Variants in BTBD9 observed in about 807,000 individuals in gnomAD.
BTBD9 encodes the protein BTB domain containing 9.
Under a neutral mutation model 64.3 loss-of-function variants are expected in BTBD9, and 49 were observed. That is an observed-to-expected ratio of 0.76 (90% CI 0.61 to 0.97). BTBD9 has a LOEUF of 0.97. Among genes scored for constraint, BTBD9 ranks in the 50% least tolerant of loss-of-function variants. The pLI, the probability that BTBD9 is intolerant of heterozygous loss-of-function variation, is 0.00. For missense variants in BTBD9, 598 were observed against 762.1 expected, an observed-to-expected ratio of 0.78 and a Z score of 2.53; for synonymous variants, 260 against 274.7, an observed-to-expected ratio of 0.95 and a Z score of 0.53.
chr6:38,328,432 C>T (rs960998376), intron 7 of BTBD9, among the ~76,000 whole-genome samples: 9 of 152,106 alleles, frequency 5.9e-5, no homozygotes, highest in African/African-American at 1.2e-4. Context: ...GAGGGTATAG[C>T]GAGAAGGTGG....
At chr6:38,606,926 A>T (rs768856906) in intron 1 of BTBD9, among the ~76,000 whole-genome samples, 21 of 152,090 alleles carry the variant, frequency 1.4e-4, no homozygotes, top group Non-Finnish European at 2.8e-4. Flanking sequence ...AACTTATAAA[A>T]CCTTGCTAAG....
At chr6:38,210,227 G>A (rs934242976) in intron 9 of BTBD9, among the ~76,000 whole-genome samples, 13 of 152,100 alleles carry the variant, frequency 8.5e-5, no homozygotes, top group Non-Finnish European at 1.6e-4. Context: ...CTGCTAGCCC[G>A]TCATATTTAA....
chr6:38,295,051 A>G (rs995542249), intron 7 of BTBD9, among the ~76,000 whole-genome samples: 7 of 150,866 alleles, frequency 4.6e-5, no homozygotes, highest in African/African-American at 1.7e-4. Flanking sequence ...CTATTTTTCT[A>G]TTATCTTTCT....
At chr6:38,428,916 A>G (rs1260722686) in intron 6 of BTBD9, among the ~76,000 whole-genome samples, 1 of 151,256 alleles carries the variant, frequency 6.6e-6, no homozygotes, top group Non-Finnish European at 1.5e-5. Flanking sequence ...TCACCGTGTT[A>G]GCCAGTATGG....
At chr6:38,303,902 CGTGTATATAT>C (rs1156959529) in intron 7 of BTBD9, among the ~76,000 whole-genome samples, 2 of 80,682 alleles carry the variant, frequency 2.5e-5, no homozygotes, top group Non-Finnish European at 5.4e-5. Flanking sequence ...TATATATATA[CGTGTATATAT>C]GTGTATATAT....
intron 7 of BTBD9, among the ~76,000 whole-genome samples, chr6:38,331,474 T>C (rs1230051365): frequency 6.6e-6 from 1 of 152,050 alleles, no homozygotes; most frequent in Admixed American, 6.5e-5. Flanking sequence ...ACAGACTCCC[T>C]CTCAAAAAGA....
intron 7 of BTBD9, among the ~76,000 whole-genome samples, chr6:38,314,951 G>A (rs9470858): frequency 6.6e-6 from 1 of 152,092 alleles, no homozygotes; most frequent in Non-Finnish European, 1.5e-5. Flanking sequence ...CCGGGTTCAC[G>A]CTATTCTCCT....
chr6:38,436,864 G>A (rs1476851238), intron 6 of BTBD9, among the ~76,000 whole-genome samples: 1 of 152,200 alleles, frequency 6.6e-6, no homozygotes, highest in Non-Finnish European at 1.5e-5. Flanking sequence ...GTTTCTCTCA[G>A]TATCTGTAAA....
At chr6:38,565,406 T>C (rs1434938136) in intron 6 of BTBD9, among the ~76,000 whole-genome samples, 3 of 152,132 alleles carry the variant, frequency 2.0e-5, no homozygotes, top group African/African-American at 7.2e-5. Context: ...AAATATCCCT[T>C]AAGGGAGCAA....
At chr6:38,466,245 A>G (rs1363301481) in intron 6 of BTBD9, among the ~76,000 whole-genome samples, 1 of 149,992 alleles carries the variant, frequency 6.7e-6, no homozygotes, top group African/African-American at 2.5e-5. Context: ...CAGAATTTCT[A>G]AAGTTGACTG....
At chr6:38,572,500 G>A (rs1258253873) in intron 6 of BTBD9, among the ~76,000 whole-genome samples, 1 of 151,944 alleles carries the variant, frequency 6.6e-6, no homozygotes, top group African/African-American at 2.4e-5. Context: ...GACACATATG[G>A]CACACACAAT....
At chr6:38,260,723 G>A (rs942241186) in intron 8 of BTBD9, among the ~76,000 whole-genome samples, 3 of 152,122 alleles carry the variant, frequency 2.0e-5, no homozygotes, top group African/African-American at 7.2e-5. Flanking sequence ...TGAAATTCCA[G>A]TAACTTTTAA....
At chr6:38,462,322 G>A (rs6900510) in intron 6 of BTBD9, among the ~76,000 whole-genome samples, 15,742 of 152,192 alleles carry the variant, frequency 0.1, 878 homozygotes, top group African/African-American at 0.13. Context: ...CGATAATCCA[G>A]TTGGGGTCAA....
chr6:38,213,528 A>G (rs1235690599), intron 9 of BTBD9, among the ~76,000 whole-genome samples: 1 of 152,220 alleles, frequency 6.6e-6, no homozygotes, highest in Non-Finnish European at 1.5e-5. Context: ...CAGGCCCCAT[A>G]AAGGCCCTTT....
intron 7 of BTBD9, among the ~76,000 whole-genome samples, chr6:38,315,069 C>T (rs1257961626): frequency 6.6e-6 from 1 of 152,052 alleles, no homozygotes; most frequent in Non-Finnish European, 1.5e-5. Context: ...ACGATGGTCT[C>T]GATCTTCTGA....
intron 6 of BTBD9, among the ~76,000 whole-genome samples, chr6:38,460,292 ATC>A (rs1265524387): frequency 1.3e-5 from 2 of 152,210 alleles, no homozygotes; most frequent in Admixed American, 6.5e-5. Flanking sequence ...TATCACAGCA[ATC>A]ATCAAACAGC....
chr6:38,334,460 T>G (rs1413942442), intron 7 of BTBD9, among the ~76,000 whole-genome samples: 12 of 152,042 alleles, frequency 7.9e-5, no homozygotes, highest in Admixed American at 7.9e-4. Flanking sequence ...CTCGGGAGGC[T>G]GAGGCAAGAG....
chr6:38,253,765 C>T (rs1764481319), intron 9 of BTBD9, among the ~76,000 whole-genome samples: 1 of 152,052 alleles, frequency 6.6e-6, no homozygotes, highest in Non-Finnish European at 1.5e-5. Context: ...AAAAAGGGTT[C>T]CAGGAGCTTG....
intron 6 of BTBD9, among the ~76,000 whole-genome samples, chr6:38,549,158 A>T (rs1380188511): frequency 6.6e-6 from 1 of 152,230 alleles, no homozygotes; most frequent in Admixed American, 6.5e-5. Context: ...CTTCAGAGAC[A>T]TTCATAAAAC....
Sources: gnomAD v4.1 joint callset for allele counts (sites outside exome capture counted in the v4.1 genomes callset) on GRCh38, gnomAD v4.1.1 for gene constraint, MANE v1.5 for transcripts, NCBI Gene and HGNC (gene_info 2026-07-23, HGNC 2026-07-21) for gene names.